The following NR4A1 variants were observed in gnomAD, a reference collection of about 807,000 sequenced individuals.
NR4A1 encodes the protein nuclear receptor subfamily 4immunitygroup A member 1.
A neutral mutation model predicts 47.5 loss-of-function variants in NR4A1; 24 were observed. That is an observed-to-expected ratio of 0.50 (90% CI 0.37 to 0.71). The LOEUF (loss-of-function observed/expected upper bound fraction) is 0.71. NR4A1 is among the 30% of genes least tolerant of loss of function. NR4A1 has a pLI of 0.00. For synonymous variants in NR4A1, 353 were observed against 345.7 expected (o/e 1.02, Z -0.24); for missense variants, 669 against 788.6 (o/e 0.85, Z 1.82).
intron 2 of NR4A1, chr12:52,041,936 G>C (rs1938455656): frequency 7.0e-7 from 1 of 1,422,082 alleles, no homozygotes; most frequent in South Asian, 1.7e-5. Flanking sequence ...AGTGGTAAGT[G>C]CTCTGCTATT....
At chr12:52,056,696 T>G in intron 4 of NR4A1, 51 bp downstream of exon 4, 1 of 1,504,976 alleles carries the variant, frequency 6.6e-7, no homozygotes, top group Non-Finnish European at 8.9e-7. Context: ...GCACATGCAG[T>G]GCCTTTGTGC....
At chr12:52,057,891 C>T (rs1037866364) in intron 6 of NR4A1, among the ~76,000 whole-genome samples, 9 of 152,188 alleles carry the variant, frequency 5.9e-5, no homozygotes, top group African/African-American at 1.4e-4. Context: ...ACCCAACCAG[C>T]GCCTTGGTCA....
In NR4A1 at chr12:52,041,677, G is replaced by GCGCT. The variant is rs747993736; in HGVS notation, c.-83-132_-83-129dup. On this transcript the variant is annotated intron_variant, in intron 1 of 7. Transcript: ENST00000360284. ...ATGCCTAACCCGGGGAGGTCCTTGGGCGCTGGCTTGTCCCCCTCTTGTGGC... is the reference window on the plus strand; with the variant it reads ...ATGCCTAACCCGGGGAGGTCCTTGGGCGCTCGCTGGCTTGTCCCCCTCTTGTGGC... 1,050 of 1,036,534 alleles carry GCGCT rather than the reference G, an allele frequency of 1.0e-3. 2 individuals carry two copies. Among genetic ancestry groups the GCGCT allele is most frequent in the Non-Finnish European group, 1.2e-3 (997 of 802,830 alleles). 64.2% of individuals were successfully genotyped at this position (1,036,534 alleles called of 1,614,324 possible). A position where few individuals can be genotyped will look rare whatever the true frequency, so the allele number is the denominator to read the frequency against.
At chr12:52,050,238 G>A (rs988940610), upstream of NR4A1, among the ~76,000 whole-genome samples, 4 of 152,202 alleles carry the variant, frequency 2.6e-5, no homozygotes, top group Non-Finnish European at 5.9e-5. Context: ...GGCCCTGGCG[G>A]GCTGTTCCTC....
intron 1 of NR4A1, among the ~76,000 whole-genome samples, chr12:52,036,948 C>T (rs928586186): frequency 1.3e-5 from 2 of 152,364 alleles, no homozygotes; most frequent in Admixed American, 6.5e-5. Context: ...ACCTGAGAAC[C>T]AGCTCCCCGG....
At chr12:52,051,829 A>T (rs1432463789) in intron 1 of NR4A1, among the ~76,000 whole-genome samples, 3 of 152,090 alleles carry the variant, frequency 2.0e-5, no homozygotes. Context: ...CTTGTCCAGC[A>T]GGCGGCTGGC....
intron 2 of NR4A1, chr12:52,043,813 A>T: frequency 7.8e-7 from 1 of 1,288,398 alleles, no homozygotes; most frequent in Non-Finnish European, 1.0e-6. Context: ...GCTCCCTGAG[A>T]CCACCAGGAA....
At chr12:52,027,670 C>T (rs1299334048) in intron 1 of NR4A1, among the ~76,000 whole-genome samples, 1 of 152,194 alleles carries the variant, frequency 6.6e-6, no homozygotes, top group African/African-American at 2.4e-5. Context: ...AGGTGTCATT[C>T]CAGGGCTGCA....
rs1194652060 is a variant in NR4A1 at position 52,056,106 on chromosome 12, G to A, written c.953G>A (p.Arg318His). ...DCPVDKRRRN[R>H]CQFCRFQKCL... ...CCTGTGGACAAGAGGCGGCGAAACCGCTGCCAGTTCTGCCGCTTCCAGAAG... is the reference window on the plus strand; with the variant it reads ...CCTGTGGACAAGAGGCGGCGAAACCACTGCCAGTTCTGCCGCTTCCAGAAG... Residue 318 changes from arginine (R) to histidine (H), a missense_variant, in exon 3 of 7, where the codon CGC becomes CAC. By Grantham distance (29) the Arg-to-His change is conservative (BLOSUM62 0). Transcript: ENST00000394825. 17 of 1,611,478 alleles carry A rather than the reference G, an allele frequency of 1.1e-5. No individual in the cohort carries two copies. Among genetic ancestry groups the A allele is most frequent in the Non-Finnish European group, 1.4e-5 (17 of 1,179,024 alleles).
chr12:52,031,510 G>A (rs530759612), intron 1 of NR4A1, among the ~76,000 whole-genome samples: 4 of 151,718 alleles, frequency 2.6e-5, no homozygotes, highest in South Asian at 4.2e-4. Flanking sequence ...GGTGGCATGC[G>A]CCTGTAATCC....
chr12:52,036,475 T>C (rs1257352491), intron 1 of NR4A1, among the ~76,000 whole-genome samples: 1 of 152,148 alleles, frequency 6.6e-6, no homozygotes, highest in African/African-American at 2.4e-5. Context: ...CCAGATATGG[T>C]GGATAATCTG....
chr12:52,053,442 G>A (rs1939083178), intron 1 of NR4A1: 1 of 152,068 alleles, frequency 6.6e-6, no homozygotes, highest in African/African-American at 2.4e-5. Flanking sequence ...AAGATAACTG[G>A]GGGCAGCAGA....
chr12:52,026,622 C>A (rs1938005796), intron 1 of NR4A1, among the ~76,000 whole-genome samples: 1 of 152,232 alleles, frequency 6.6e-6, no homozygotes, highest in African/African-American at 2.4e-5. Flanking sequence ...ATAGACAGGG[C>A]TGGGCAATCT....
chr12:52,038,664 A>G (rs1422360245), intron 1 of NR4A1: 1 of 756,194 alleles, frequency 1.3e-6, no homozygotes, highest in African/African-American at 1.7e-5. Flanking sequence ...TGGAGACTTA[A>G]AAAGGAAGTC....
intron 1 of NR4A1, among the ~76,000 whole-genome samples, chr12:52,031,610 C>T (rs2120924678): frequency 6.6e-6 from 1 of 151,888 alleles, no homozygotes; most frequent in East Asian, 2.0e-4. Flanking sequence ...GCACTCCAGC[C>T]TGGGTGACAG....
intron 1 of NR4A1, among the ~76,000 whole-genome samples, chr12:52,036,583 C>A (rs754701211): frequency 6.6e-6 from 1 of 152,182 alleles, no homozygotes; most frequent in Non-Finnish European, 1.5e-5. Flanking sequence ...ATCAGTGAAT[C>A]CATCACCTGG....
chr12:52,026,777 A>C (rs1333350338), intron 1 of NR4A1, among the ~76,000 whole-genome samples: 1 of 152,152 alleles, frequency 6.6e-6, no homozygotes, highest in Non-Finnish European at 1.5e-5. Context: ...GAATATGTGT[A>C]TTTGAGCCCA....
intron 1 of NR4A1, chr12:52,037,515 C>T: frequency 1.0e-6 from 1 of 980,704 alleles, no homozygotes; most frequent in African/African-American, 1.8e-5. Flanking sequence ...CGGTGGATGC[C>T]TTTGGGCGGG....
At chr12:52,056,927 A>T in intron 4 of NR4A1, 130 bp from the exon 5 acceptor site, 1 of 942,998 alleles carries the variant, frequency 1.1e-6, no homozygotes, top group Non-Finnish European at 1.6e-6. Flanking sequence ...TTGGCAAGTG[A>T]GAGCCTGGGC....
Sources: allele counts gnomAD v4.1 joint callset (sites outside exome capture counted in the v4.1 genomes callset), GRCh38; gene constraint gnomAD v4.1.1; transcripts MANE v1.5; gene names NCBI Gene and HGNC (gene_info 2026-07-23, HGNC 2026-07-21).